The following VTA1 variants were observed in gnomAD, a reference collection of about 807,000 sequenced individuals.
The protein encoded by VTA1 is vacuolar protein sorting-associated protein VTA1 homolog.
In VTA1, 24 loss-of-function variants were observed where a neutral mutation model predicts 36.9. The ratio of observed to expected loss-of-function variants is 0.65; its 90% CI spans 0.47 to 0.91. The LOEUF (loss-of-function observed/expected upper bound fraction) is 0.91. Ranked by LOEUF, VTA1 falls within the 40% of genes least tolerant of loss-of-function variation. The pLI is 0.00. For missense variants in VTA1, 393 were observed against 377.2 expected (o/e 1.04, Z -0.35); for synonymous variants, 142 against 130.2 (o/e 1.09, Z -0.62).
intron 5 of VTA1, among the ~76,000 whole-genome samples, chr6:142,191,087 G>C (rs1775446942): frequency 6.6e-6 from 1 of 151,744 alleles, no homozygotes; most frequent in Admixed American, 6.6e-5. Context: ...ATATCATTTA[G>C]GATTTTTATG....
chr6:142,165,449 C>A (rs554853652), intron 1 of VTA1, among the ~76,000 whole-genome samples: 1 of 152,128 alleles, frequency 6.6e-6, no homozygotes, highest in African/African-American at 2.4e-5. Context: ...TCAAAAACTT[C>A]GTTGCATTTT....
intron 5 of VTA1, among the ~76,000 whole-genome samples, chr6:142,194,580 A>G (rs189697944): frequency 8.5e-5 from 13 of 152,182 alleles, no homozygotes; most frequent in Middle Eastern, 3.4e-3. Flanking sequence ...AGGAATTACA[A>G]TTGATTTTTG....
intron 4 of VTA1, among the ~76,000 whole-genome samples, chr6:142,175,474 A>T (rs894298389): frequency 6.6e-6 from 1 of 152,042 alleles, no homozygotes; most frequent in Non-Finnish European, 1.5e-5. Flanking sequence ...TAGTCCTTAC[A>T]TGAATTTCTC....
intron 7 of VTA1, among the ~76,000 whole-genome samples, chr6:142,216,738 C>T (rs1479422888): frequency 1.3e-5 from 2 of 152,048 alleles, no homozygotes; most frequent in Admixed American, 6.6e-5. Context: ...CCATTATACA[C>T]GTTTTACCTT....
chr6:142,165,004 A>G lies in VTA1; in HGVS notation c.113-1224A>G, dbSNP rs1015884384. On this transcript the variant is annotated intron_variant, in intron 1 of 7. Transcript: ENST00000367630. ...TTTGGTGGGGGAACGTTATATCTCTACTTCATACAGTATAAAGAATTGTTA... is the reference window on the plus strand; with the variant it reads ...TTTGGTGGGGGAACGTTATATCTCTGCTTCATACAGTATAAAGAATTGTTA... 3.3e-5 allele frequency among the ~76,000 whole-genome samples: 5 copies of G among 152,204 alleles called. No individual in the cohort carries two copies. The South Asian group carries it at 6.2e-4, about 19-fold the overall frequency.
In VTA1 at chr6:142,178,314, CAA is replaced by C. The variant is rs1387001259; in HGVS notation, c.411+7895_411+7896del. Among the ~76,000 whole-genome samples, 4 of 151,844 alleles carry C rather than the reference CAA, an allele frequency of 2.6e-5. No homozygotes were observed. In the East Asian group the frequency reaches 7.7e-4, roughly 29 times the overall value. ...AAGGGCTGAAAGAAAAAAAATAAAA[CAA>C]ATGAACAAAAACCCTGTCAACTCAG... On this transcript the variant is annotated intron_variant, in intron 4 of 7. Coordinates refer to ENST00000367630, the MANE Select transcript of VTA1 (RefSeq NM_016485.5).
At chr6:142,159,714 C>T (rs1167774256) in intron 1 of VTA1, among the ~76,000 whole-genome samples, 8 of 151,560 alleles carry the variant, frequency 5.3e-5, no homozygotes, top group Non-Finnish European at 5.9e-5. Context: ...AGGGTTTCAC[C>T]GTGTTGGCCA....
chr6:142,183,902 T>C (rs1298305200), intron 4 of VTA1, among the ~76,000 whole-genome samples: 1 of 152,178 alleles, frequency 6.6e-6, no homozygotes, highest in African/African-American at 2.4e-5. Context: ...GTTTCTTAAA[T>C]TTCACATACT....
At chr6:142,202,921 A>C (rs1775718910) in intron 6 of VTA1, among the ~76,000 whole-genome samples, 1 of 152,006 alleles carries the variant, frequency 6.6e-6, no homozygotes, top group African/African-American at 2.4e-5. Context: ...TCCAAAGGGT[A>C]TAAATACAGA....
intron 4 of VTA1, among the ~76,000 whole-genome samples, chr6:142,172,889 A>G (rs1775054444): frequency 6.6e-6 from 1 of 152,066 alleles, no homozygotes; most frequent in African/African-American, 2.4e-5. Context: ...TTGAGTAAAG[A>G]ACTATGCCTT....
intron 7 of VTA1, among the ~76,000 whole-genome samples, chr6:142,211,317 C>G (rs538238100): frequency 2.2e-4 from 33 of 152,012 alleles, no homozygotes; most frequent in Admixed American, 5.9e-4. Context: ...AAGTAAAATA[C>G]AAAACTATAA....
At chr6:142,198,364 T>C in intron 5 of VTA1, 75 bp from the exon 6 acceptor site, 1 of 1,396,892 alleles carries the variant, frequency 7.2e-7, no homozygotes. Context: ...TTGTCATGTG[T>C]ATAATGAAAT....
intron 7 of VTA1, among the ~76,000 whole-genome samples, chr6:142,210,467 A>T (rs75821001): frequency 0.014 from 2,197 of 152,314 alleles, 55 homozygotes; most frequent in African/African-American, 0.05. Flanking sequence ...ATGGCGAAGG[A>T]AAAAATCAAC....
intron 7 of VTA1, among the ~76,000 whole-genome samples, chr6:142,204,921 C>T (rs1314239259): frequency 6.6e-6 from 1 of 150,874 alleles, no homozygotes; most frequent in African/African-American, 2.5e-5. Context: ...GATGGGATTT[C>T]ACCATGTTGG....
intron 4 of VTA1, among the ~76,000 whole-genome samples, chr6:142,177,597 A>G (rs1053277314): frequency 1.3e-5 from 2 of 152,186 alleles, no homozygotes; most frequent in African/African-American, 4.8e-5. Context: ...TTGAGTTTTC[A>G]GAAAGGAGAT....
chr6:142,156,429 T>C (rs1778663207), intron 1 of VTA1, among the ~76,000 whole-genome samples: 1 of 152,200 alleles, frequency 6.6e-6, no homozygotes, highest in African/African-American at 2.4e-5. Flanking sequence ...TAATAGTATG[T>C]CTCTGAGCTC....
chr6:142,149,878 C>T (rs1007408952), intron 1 of VTA1, among the ~76,000 whole-genome samples: 1 of 151,848 alleles, frequency 6.6e-6, no homozygotes. Flanking sequence ...GCTTATATTT[C>T]TATTCTCTCA....
intron 2 of VTA1, among the ~76,000 whole-genome samples, chr6:142,167,375 A>G (rs225660): frequency 0.35 from 52,888 of 152,064 alleles, 10,926 homozygotes; most frequent in Middle Eastern, 0.53. Context: ...CTCCTCCAAG[A>G]CTGTTACATT....
intron 1 of VTA1, 78 bp from the exon 2 acceptor site, chr6:142,166,150 A>T: frequency 2.3e-6 from 2 of 874,326 alleles, no homozygotes; most frequent in Non-Finnish European, 3.4e-6. Flanking sequence ...ATTATTTATT[A>T]GCAATTATAT....
Sources: gnomAD v4.1 joint callset for allele counts (sites outside exome capture counted in the v4.1 genomes callset) on GRCh38, gnomAD v4.1.1 for gene constraint, MANE v1.5 for transcripts, NCBI Gene and HGNC (gene_info 2026-07-23, HGNC 2026-07-21) for gene names.